The following DMD variants were observed in gnomAD, a reference collection of about 807,000 sequenced individuals.
DMD encodes dystrophin.
In DMD, 63 loss-of-function variants were observed where a neutral mutation model predicts 330.1. The ratio of observed to expected loss-of-function variants is 0.19; its 90% CI spans 0.16 to 0.24. The LOEUF is 0.24. DMD is among the 10% of genes least tolerant of loss of function. The pLI, the probability that DMD is intolerant of heterozygous loss-of-function variation, is 1.00. For synonymous variants in DMD, 1,223 were observed against 959.8 expected (o/e 1.27, Z -5.07); for missense variants, 3,344 against 2,684.1 (o/e 1.25, Z -5.43).
At chrX:32,166,466 T>A (rs2147305000) in intron 44 of DMD, among the ~76,000 whole-genome samples, 1 of 111,170 alleles carries the variant, frequency 9.0e-6, no homozygotes, top group Non-Finnish European at 1.9e-5. Context: ...TCAAAAAATA[T>A]ATATAAATAA....
At chrX:31,512,627 TA>T (rs1303503082) in intron 55 of DMD, among the ~76,000 whole-genome samples, 1 of 109,696 alleles carries the variant, frequency 9.1e-6, no homozygotes, top group African/African-American at 3.3e-5. Flanking sequence ...TCAGGTTTGT[TA>T]AAGATCAGAT....
At chrX:33,253,264 C>A (rs1291554600) in intron 1 of DMD, among the ~76,000 whole-genome samples, 2 of 108,771 alleles carry the variant, frequency 1.8e-5, no homozygotes, top group African/African-American at 3.5e-5. Context: ...GTACATACTG[C>A]AAATAATAAT....
chrX:32,328,010 AAAT>A (rs2097659941), intron 41 of DMD, among the ~76,000 whole-genome samples: 1 of 111,780 alleles, frequency 8.9e-6, no homozygotes, highest in African/African-American at 3.2e-5. Flanking sequence ...ATTATTTCTT[AAAT>A]AATAATTAAC....
intron 7 of DMD, among the ~76,000 whole-genome samples, chrX:32,796,788 T>C (rs1202129881): frequency 8.9e-6 from 1 of 112,019 alleles, no homozygotes; most frequent in African/African-American, 3.2e-5. Flanking sequence ...GGATAGCTTA[T>C]TGCTTTAAAA....
intron 44 of DMD, among the ~76,000 whole-genome samples, chrX:32,052,944 C>T (rs925275277): frequency 9.9e-5 from 11 of 111,002 alleles, no homozygotes; most frequent in African/African-American, 3.6e-4. Flanking sequence ...AGTTGCAATG[C>T]CTCTTTCTTG....
intron 7 of DMD, among the ~76,000 whole-genome samples, chrX:32,784,870 G>A (rs921238380): frequency 5.6e-4 from 62 of 111,092 alleles, no homozygotes; most frequent in Admixed American, 4.8e-4. Flanking sequence ...CCTATATATT[G>A]TTTGTTGGCC....
intron 43 of DMD, among the ~76,000 whole-genome samples, chrX:32,244,465 G>A (rs1196170016): frequency 3.9e-5 from 3 of 75,951 alleles, no homozygotes; most frequent in African/African-American, 5.0e-5. Flanking sequence ...TAGTCCTTTG[G>A]GTATATACCC....
chrX:31,538,239 C>A (rs1053874636), intron 55 of DMD, among the ~76,000 whole-genome samples: 8 of 112,335 alleles, frequency 7.1e-5, no homozygotes, highest in Non-Finnish European at 1.5e-4. Context: ...TGCATTTTCA[C>A]TGTGACTTGT....
intron 54 of DMD, among the ~76,000 whole-genome samples, chrX:31,628,915 CATATATATATATATAT>C (rs10524146): frequency 8.5e-5 from 7 of 82,759 alleles, no homozygotes; most frequent in Admixed American, 4.0e-4. Flanking sequence ...TATTTTTGAT[CATATATATATATATAT>C]ATATATATAT....
At chrX:32,785,523 TATC>T (rs768711288) in intron 7 of DMD, among the ~76,000 whole-genome samples, 2 of 111,571 alleles carry the variant, frequency 1.8e-5, no homozygotes, top group South Asian at 3.7e-4. Flanking sequence ...TAAGGAGTAT[TATC>T]ATTTCTATTA....
At chrX:32,479,721 A>AT (rs1346419705) in intron 21 of DMD, among the ~76,000 whole-genome samples, 3 of 109,773 alleles carry the variant, frequency 2.7e-5, no homozygotes, top group African/African-American at 9.9e-5. Context: ...ATCAGTATAT[A>AT]TATCTCTATA....
intron 7 of DMD, among the ~76,000 whole-genome samples, chrX:32,723,943 A>T (rs769423392): frequency 9.0e-6 from 1 of 111,548 alleles, no homozygotes; most frequent in African/African-American, 3.2e-5. Flanking sequence ...GTTAGGCTGC[A>T]TTCAAAGCTG....
At chrX:31,372,139 G>C (rs2059622284) in intron 60 of DMD, among the ~76,000 whole-genome samples, 2 of 111,579 alleles carry the variant, frequency 1.8e-5, no homozygotes, top group Non-Finnish European at 3.8e-5. Flanking sequence ...CTTAGGGGCA[G>C]AGACTATCGC....
chrX:32,090,571 T>C (rs1171005196), intron 44 of DMD, among the ~76,000 whole-genome samples: 1 of 111,463 alleles, frequency 9.0e-6, no homozygotes, highest in African/African-American at 3.3e-5. Context: ...CTCAAAGACA[T>C]CTCATTCCTT....
At chrX:32,686,323 C>A (rs1269200750) in intron 9 of DMD, among the ~76,000 whole-genome samples, 2 of 110,429 alleles carry the variant, frequency 1.8e-5, no homozygotes, top group East Asian at 5.7e-4. Context: ...TTTGGATGGC[C>A]AAGGCGGCTG....
At chrX:32,394,926 A>AACAAAAC (rs1287598004) in intron 30 of DMD, among the ~76,000 whole-genome samples, 1 of 101,392 alleles carries the variant, frequency 9.9e-6, no homozygotes, top group African/African-American at 3.5e-5. Flanking sequence ...CAAAAAAAAA[A>AACAAAAC]AAAAAAAGAA....
intron 42 of DMD, among the ~76,000 whole-genome samples, chrX:32,303,403 C>T (rs1370853527): frequency 9.0e-6 from 1 of 110,837 alleles, no homozygotes; most frequent in Non-Finnish European, 1.9e-5. Context: ...AAACAAGATA[C>T]TAATTTTTCT....
chrX:31,498,407 G>A (rs1283692008), intron 56 of DMD, among the ~76,000 whole-genome samples: 3 of 111,839 alleles, frequency 2.7e-5, no homozygotes, highest in Non-Finnish European at 5.6e-5. Context: ...TAATTTAAAA[G>A]GGAATTATTA....
intron 57 of DMD, among the ~76,000 whole-genome samples, chrX:31,494,252 T>A (rs2069615559): frequency 9.1e-6 from 1 of 110,472 alleles, no homozygotes; most frequent in African/African-American, 3.3e-5. Context: ...GACAACTACA[T>A]TGTTGTCTGG....
Sources: gnomAD v4.1 joint callset for allele counts (sites outside exome capture counted in the v4.1 genomes callset) on GRCh38, gnomAD v4.1.1 for gene constraint, MANE v1.5 for transcripts, NCBI Gene and HGNC (gene_info 2026-07-23, HGNC 2026-07-21) for gene names.